Variants in INSL6 observed in about 807,000 individuals in gnomAD.
INSL6 encodes insulin-like peptide INSL6.
INSL6 carries 16 observed loss-of-function variants against 9.4 expected under a neutral mutation model. The observed-to-expected ratio is 1.70, with a 90% CI of 1.15 to 2.59. INSL6 has a LOEUF of 2.59. Among genes scored for constraint, INSL6 ranks in the 30% most tolerant of loss-of-function variants. INSL6 has a pLI of 0.00. For missense variants in INSL6, 391 were observed against 257.3 expected (o/e 1.52, Z -3.56); for synonymous variants, 154 against 96.9 (o/e 1.59, Z -3.46).
In INSL6 at chr9:5,164,237, G is replaced by T; in HGVS notation, c.318C>A (p.Asn106Lys). ...CAGGTAGTGACTGCATTTCCCAACT[G>T]TTTACTGCTTCTTCCCAAGAAGTAG... ...PVSTSWEEAV[N>K]SWEMQSLPEY... is the part of the protein sequence containing the mutation. The change falls in exon 2 of 2, where the codon AAC (asparagine) becomes AAA (lysine). Residue 106 changes from asparagine to lysine, a missense_variant. Asn to Lys is a moderately conservative substitution (Grantham distance 94). Transcript: ENST00000381641. 6.2e-7 allele frequency: 1 copy of T among 1,606,216 alleles called. No homozygotes were observed. The highest frequency in any genetic ancestry group is 1.1e-5 in the South Asian group (1 of 89,280).
At chr9:5,001,793 C>T in the INSL6 span, among the ~76,000 whole-genome samples, 1 of 151,992 alleles carries the variant, frequency 6.6e-6, no homozygotes. Context: ...CCAGGGAAGT[C>T]ACTTTGGCCA....
intron 3 of INSL6, chr9:5,126,844 T>C (rs865810350): frequency 1.5e-5 from 16 of 1,046,464 alleles, no homozygotes; most frequent in Middle Eastern, 2.1e-4. Context: ...CAAAGTTTTA[T>C]ATTTCACATT....
intron 1 of INSL6, among the ~76,000 whole-genome samples, chr9:5,168,258 T>C (rs1825099052): frequency 6.6e-6 from 1 of 152,086 alleles, no homozygotes; most frequent in Non-Finnish European, 1.5e-5. Context: ...CTTCAAAAGA[T>C]GGATAATAAC....
At chr9:5,041,100 G>T in the INSL6 span, 5 of 752,418 alleles carry the variant, frequency 6.6e-6, no homozygotes, top group South Asian at 1.5e-5. Context: ...TGGAGGACCT[G>T]TTCGACCTTC....
At chr9:5,137,168 A>G (rs1445374714) in intron 2 of INSL6, among the ~76,000 whole-genome samples, 2 of 152,240 alleles carry the variant, frequency 1.3e-5, no homozygotes, top group Admixed American at 6.5e-5. Flanking sequence ...GAAAGAATCA[A>G]TATCATCAAA....
At position 5,174,996 on chromosome 9, in the gene INSL6, G is replaced by A. The variant is rs370983113; in HGVS notation, c.289+10318C>T. Among the ~76,000 whole-genome samples the A allele has an allele frequency of 1.3e-3, 201 of 150,670 alleles. 2 individuals are homozygous for A. In the South Asian group the frequency reaches 0.034, roughly 25 times the overall value. ...GCTCTGGCGCCCAGGCTGGAGTGCCGTGGCGTTATCTCGGCTCACTGCAAG... is the reference window on the plus strand; with the variant it reads ...GCTCTGGCGCCCAGGCTGGAGTGCCATGGCGTTATCTCGGCTCACTGCAAG... On this transcript the variant is annotated intron_variant, in intron 1 of 1. Transcript: ENST00000381641.
chr9:5,163,401 G>T (rs1824969188), downstream of INSL6, among the ~76,000 whole-genome samples: 1 of 152,170 alleles, frequency 6.6e-6, no homozygotes, highest in Admixed American at 6.5e-5. Context: ...AGTAGAAATT[G>T]TGAAGAGAAA....
At chr9:5,126,552 A>G in intron 3 of INSL6, 1 of 948,662 alleles carries the variant, frequency 1.1e-6, no homozygotes, top group South Asian at 1.6e-5. Flanking sequence ...TTCCAGATAA[A>G]CAGCATAATC....
At chr9:5,047,104 A>G in the INSL6 span, among the ~76,000 whole-genome samples, 1 of 152,166 alleles carries the variant, frequency 6.6e-6, no homozygotes, top group Non-Finnish European at 1.5e-5. Flanking sequence ...ACCACAAGCA[A>G]TTTTCTATTT....
chr9:5,087,656 T>A, the INSL6 span, among the ~76,000 whole-genome samples: 1 of 152,242 alleles, frequency 6.6e-6, no homozygotes, highest in Non-Finnish European at 1.5e-5. Context: ...AAAAGTATAA[T>A]GATCATTGTT....
the INSL6 span, among the ~76,000 whole-genome samples, chr9:5,048,980 C>G: frequency 6.6e-6 from 1 of 152,122 alleles, no homozygotes; most frequent in Non-Finnish European, 1.5e-5. Context: ...TCTCCCATTA[C>G]ATGTTCAGTC....
At chr9:5,070,127 G>GT in the INSL6 span, 1 of 1,048,134 alleles carries the variant, frequency 9.5e-7, no homozygotes, top group Non-Finnish European at 1.4e-6. Flanking sequence ...TTACATTCAT[G>GT]TGACATTGGA....
chr9:5,085,355 A>C, the INSL6 span: 1 of 899,574 alleles, frequency 1.1e-6, no homozygotes, highest in Non-Finnish European at 1.9e-6. Flanking sequence ...TTTTTTCCGT[A>C]CTGATAGGTG....
chr9:5,099,212 G>A, the INSL6 span: 4 of 152,080 alleles, frequency 2.6e-5, no homozygotes, highest in East Asian at 1.9e-4. Context: ...ACCACTGGGC[G>A]ACCAGGTCTT....
the INSL6 span, among the ~76,000 whole-genome samples, chr9:5,018,590 C>T: frequency 1.3e-5 from 2 of 152,194 alleles, no homozygotes; most frequent in Non-Finnish European, 2.9e-5. Context: ...CTGCCTGCCT[C>T]AGCCACCCAA....
the INSL6 span, among the ~76,000 whole-genome samples, chr9:5,015,315 C>G: frequency 6.6e-6 from 1 of 152,114 alleles, no homozygotes; most frequent in Non-Finnish European, 1.5e-5. Flanking sequence ...AGAACGTGGT[C>G]TCTAGAGGAT....
At chr9:5,052,565 G>C in the INSL6 span, among the ~76,000 whole-genome samples, 4 of 151,998 alleles carry the variant, frequency 2.6e-5, no homozygotes, top group Non-Finnish European at 5.9e-5. Flanking sequence ...TCACAGGGTT[G>C]TATAAAGATG....
At chr9:4,998,677 G>C in the INSL6 span, among the ~76,000 whole-genome samples, 5 of 151,404 alleles carry the variant, frequency 3.3e-5, no homozygotes, top group East Asian at 9.7e-4. Flanking sequence ...TTCCTGTGTA[G>C]TCATCATTAA....
chr9:5,067,545 G>T, the INSL6 span, among the ~76,000 whole-genome samples: 1 of 151,858 alleles, frequency 6.6e-6, no homozygotes, highest in Admixed American at 6.6e-5. Flanking sequence ...CAGAAGGGAG[G>T]TTATGCCATC....
Sources: gnomAD v4.1 joint callset for allele counts (sites outside exome capture counted in the v4.1 genomes callset) on GRCh38, gnomAD v4.1.1 for gene constraint, MANE v1.5 for transcripts, NCBI Gene and HGNC (gene_info 2026-07-23, HGNC 2026-07-21) for gene names.